Variants in TACR3 observed in about 807,000 individuals in gnomAD.
The protein encoded by TACR3 is neuromedin-K receptor.
A neutral mutation model predicts 35.0 loss-of-function variants in TACR3; 34 were observed. The ratio of observed to expected loss-of-function variants is 0.97; its 90% CI spans 0.74 to 1.30. The LOEUF is 1.30. Among genes scored for constraint, TACR3 ranks in the 50% most tolerant of loss-of-function variants. TACR3 has a pLI of 0.00. For missense variants in TACR3, 558 were observed against 591.7 expected (o/e 0.94, Z 0.59); for synonymous variants, 233 against 221.1 (o/e 1.05, Z -0.48).
intron 1 of TACR3, among the ~76,000 whole-genome samples, chr4:103,705,600 G>A (rs557569539): frequency 2.0e-5 from 3 of 152,196 alleles, no homozygotes; most frequent in Middle Eastern, 3.4e-3. Flanking sequence ...ATTGTCATGT[G>A]CTATGGGAAT....
chr4:103,591,209 A>G (rs1428585126), intron 4 of TACR3: 3 of 457,842 alleles, frequency 6.6e-6, no homozygotes, highest in Non-Finnish European at 7.9e-6. Flanking sequence ...TTTGGCAGGT[A>G]AAATTCTGAG....
At chr4:103,719,023 T>A in intron 1 of TACR3, 105 bp downstream of exon 1, 1 of 1,497,046 alleles carries the variant, frequency 6.7e-7, no homozygotes, top group African/African-American at 1.4e-5. Context: ...GTCTCTTTAC[T>A]TTTATAGACC....
chr4:103,614,884 G>GTTTTTTGTTTTTTTTTTT (rs1724601812), intron 3 of TACR3, among the ~76,000 whole-genome samples: 1 of 72,004 alleles, frequency 1.4e-5, no homozygotes, highest in African/African-American at 6.0e-5. Flanking sequence ...TTATGAATGT[G>GTTTTTTGTTTTTTTTTTT]TTTTTTTTTT....
At chr4:103,659,307 G>C (rs973388439) in intron 1 of TACR3, among the ~76,000 whole-genome samples, 8 of 152,182 alleles carry the variant, frequency 5.3e-5, no homozygotes, top group African/African-American at 1.9e-4. Context: ...ATTCATAAAT[G>C]TCTGTTGAAT....
intron 3 of TACR3, among the ~76,000 whole-genome samples, chr4:103,635,619 G>A (rs1725170789): frequency 1.3e-5 from 2 of 151,964 alleles, no homozygotes; most frequent in Admixed American, 6.6e-5. Context: ...AGAATTTTTT[G>A]TGAGCTTAGC....
chr4:103,600,029 G>C (rs1724155084), intron 3 of TACR3, among the ~76,000 whole-genome samples: 2 of 152,084 alleles, frequency 1.3e-5, no homozygotes, highest in South Asian at 2.1e-4. Context: ...CAGAAGGAAT[G>C]GTATCAGCTC....
At chr4:103,625,168 A>AAATT (rs1396996191) in intron 3 of TACR3, among the ~76,000 whole-genome samples, 1 of 152,204 alleles carries the variant, frequency 6.6e-6, no homozygotes, top group African/African-American at 2.4e-5. Flanking sequence ...ACATATGAAA[A>AAATT]AATTAAAAAA....
At chr4:103,594,942 C>A (rs1578217154) in intron 3 of TACR3, among the ~76,000 whole-genome samples, 1 of 152,160 alleles carries the variant, frequency 6.6e-6, no homozygotes, top group African/African-American at 2.4e-5. Context: ...ACTCTGCTTA[C>A]AAAATCTTGT....
intron 1 of TACR3, among the ~76,000 whole-genome samples, chr4:103,687,700 G>A (rs940300885): frequency 3.9e-5 from 6 of 152,054 alleles, no homozygotes; most frequent in African/African-American, 1.5e-4. Flanking sequence ...GGGACGTGAA[G>A]GACCTCTTCA....
chr4:103,687,276 C>G (rs192675878), intron 1 of TACR3, among the ~76,000 whole-genome samples: 3,277 of 152,140 alleles, frequency 0.022, 129 homozygotes, highest in African/African-American at 0.074. Context: ...TATGACAAAT[C>G]CACAGCCAAT....
intron 3 of TACR3, among the ~76,000 whole-genome samples, chr4:103,608,058 A>T (rs561384627): frequency 1.1e-4 from 17 of 152,214 alleles, no homozygotes; most frequent in African/African-American, 3.8e-4. Context: ...ATATTATTGG[A>T]TACATACCTA....
chr4:103,716,838 G>A (rs776099868), intron 1 of TACR3, among the ~76,000 whole-genome samples: 18 of 152,100 alleles, frequency 1.2e-4, no homozygotes, highest in Non-Finnish European at 2.4e-4. Flanking sequence ...TTAAATAATT[G>A]AAGTTTTCAC....
chr4:103,657,341 T>G (rs1259311237), intron 2 of TACR3, among the ~76,000 whole-genome samples: 1 of 152,014 alleles, frequency 6.6e-6, no homozygotes, highest in Admixed American at 6.6e-5. Context: ...CAACAAATAA[T>G]TTGAAGATGA....
At chr4:103,591,174 T>G (rs1458086364) in intron 4 of TACR3, 3 of 387,926 alleles carry the variant, frequency 7.7e-6, no homozygotes, top group Middle Eastern at 7.7e-4. Flanking sequence ...CAATTCTCCT[T>G]TAATCATGAG....
At chr4:103,650,593 AATT>A (rs1344968387) in intron 3 of TACR3, among the ~76,000 whole-genome samples, 5 of 115,652 alleles carry the variant, frequency 4.3e-5, no homozygotes, top group Non-Finnish European at 6.7e-5. Context: ...AATAAAATAA[AATT>A]TATATAAAAT....
chr4:103,596,733 C>A (rs1158075608), intron 3 of TACR3, among the ~76,000 whole-genome samples: 1 of 152,014 alleles, frequency 6.6e-6, no homozygotes, highest in African/African-American at 2.4e-5. Context: ...AGGTATATCT[C>A]CTAATGCTAT....
chr4:103,651,085 G>A (rs917110777), intron 3 of TACR3, among the ~76,000 whole-genome samples: 1 of 144,312 alleles, frequency 6.9e-6, no homozygotes, highest in Non-Finnish European at 1.5e-5. Context: ...TTGCAGGCTG[G>A]CATACTACAA....
At chr4:103,605,972 T>A (rs1011515863) in intron 3 of TACR3, among the ~76,000 whole-genome samples, 1 of 152,016 alleles carries the variant, frequency 6.6e-6, no homozygotes, top group Admixed American at 6.5e-5. Context: ...TACGTTTAAG[T>A]CTTTAATCCA....
At chr4:103,635,624 C>G (rs1725170821) in intron 3 of TACR3, among the ~76,000 whole-genome samples, 1 of 151,984 alleles carries the variant, frequency 6.6e-6, no homozygotes, top group African/African-American at 2.4e-5. Flanking sequence ...TTTTTGTGAG[C>G]TTAGCCAACT....
Sources: gnomAD v4.1 joint callset for allele counts (sites outside exome capture counted in the v4.1 genomes callset) on GRCh38, gnomAD v4.1.1 for gene constraint, MANE v1.5 for transcripts, NCBI Gene and HGNC (gene_info 2026-07-23, HGNC 2026-07-21) for gene names.